CDC25A: variants seen among roughly 807,000 people sequenced by gnomAD.
The protein encoded by CDC25A is cell division cycle 25A.
Under a neutral mutation model 64.6 loss-of-function variants are expected in CDC25A, and 17 were observed. The observed-to-expected ratio is 0.26, with a 90% CI of 0.18 to 0.39. The LOEUF (loss-of-function observed/expected upper bound fraction) is 0.39. Among genes scored for constraint, CDC25A ranks in the 10% least tolerant of loss-of-function variants. The pLI is 1.00. For missense variants in CDC25A, 473 were observed against 654.8 expected (o/e 0.72, Z 3.03); for synonymous variants, 229 against 238.6 (o/e 0.96, Z 0.37).
At chr3:48,168,620 CTTTTTTTT>C (rs35535424) in intron 9 of CDC25A, among the ~76,000 whole-genome samples, 1 of 135,440 alleles carries the variant, frequency 7.4e-6, no homozygotes, top group Admixed American at 7.6e-5. Flanking sequence ...TATGTCTTAA[CTTTTTTTT>C]TTTTTTTTTT....
chr3:48,167,947 G>A lies in CDC25A; in HGVS notation c.931-3C>T. On this transcript the variant is annotated splice_region_variant and splice_polypyrimidine_tract_variant and intron_variant, in intron 9 of 14. Coordinates refer to ENST00000302506, the MANE Select transcript of CDC25A (RefSeq NM_001789.3). Reference sequence around the variant, plus strand: ...AGGGATAAAGACTGATGAAGAGTCTGTAACAAATCAAAGGTAGAGAATGAG... The same window carrying A: ...AGGGATAAAGACTGATGAAGAGTCTATAACAAATCAAAGGTAGAGAATGAG... The A allele has an allele frequency of 6.4e-7, 1 of 1,553,442 alleles. No individual in the cohort carries two copies. The highest frequency in any genetic ancestry group is 8.9e-7 in the Non-Finnish European group (1 of 1,125,014).
At chr3:48,170,588 C>T (rs747860155) in intron 9 of CDC25A, among the ~76,000 whole-genome samples, 2 of 152,218 alleles carry the variant, frequency 1.3e-5, no homozygotes, top group Non-Finnish European at 2.9e-5. Flanking sequence ...GCTCTCTGAA[C>T]CCTGTCCTTT....
At chr3:48,170,728 A>C (rs2106717855) in intron 9 of CDC25A, among the ~76,000 whole-genome samples, 1 of 152,318 alleles carries the variant, frequency 6.6e-6, no homozygotes, top group East Asian at 1.9e-4. Context: ...TCCAACCTCT[A>C]ATCATGTCTC....
At chr3:48,183,934 A>G in intron 3 of CDC25A, 98 bp from the exon 4 acceptor site, 1 of 683,660 alleles carries the variant, frequency 1.5e-6, no homozygotes, top group Non-Finnish European at 2.5e-6. Flanking sequence ...TTGGGGGTAC[A>G]GTCACAGACT....
intron 8 of CDC25A, chr3:48,174,705 C>T (rs747496590): frequency 9.7e-5 from 31 of 318,250 alleles, no homozygotes; most frequent in Non-Finnish European, 1.8e-4. Flanking sequence ...CGTCCTTTGC[C>T]CTCACAAAAA....
chr3:48,180,863 C>A, intron 5 of CDC25A, 23 bp from the exon 6 acceptor site: 1 of 1,612,738 alleles, frequency 6.2e-7, no homozygotes, highest in Non-Finnish European at 8.5e-7. Context: ...GTTGAGACAT[C>A]TACTGTCCAT....
intron 1 of CDC25A, 140 bp from the exon 2 acceptor site, chr3:48,186,919 C>T: frequency 1.6e-6 from 1 of 611,432 alleles, no homozygotes; most frequent in Non-Finnish European, 2.9e-6. Flanking sequence ...GCAAAGATCC[C>T]ACTTTGCCAC....
At position 48,188,233 on chromosome 3, in the gene CDC25A, A is replaced by C; in HGVS notation, c.-286T>G. ...CCGGCAACCTGAAGATTAAATCCAAACAAACGTGGCGGGTCGGCAAGAGAA... is the reference window on the plus strand; with the variant it reads ...CCGGCAACCTGAAGATTAAATCCAACCAAACGTGGCGGGTCGGCAAGAGAA... On this transcript the variant is annotated 5_prime_UTR_variant, in exon 1 of 15. Coordinates refer to ENST00000302506, the MANE Select transcript of CDC25A (RefSeq NM_001789.3). 2 of 284,876 alleles carry C rather than the reference A, an allele frequency of 7.0e-6. No homozygotes were observed. Among genetic ancestry groups the C allele is most frequent in the Non-Finnish European group, 6.5e-6 (1 of 154,126 alleles). 17.6% of individuals were successfully genotyped at this position (284,876 alleles called of 1,614,324 possible). A position where few individuals can be genotyped will look rare whatever the true frequency, so the allele number is the denominator to read the frequency against.
intron 6 of CDC25A, among the ~76,000 whole-genome samples, chr3:48,179,384 T>C (rs1223902342): frequency 6.6e-6 from 1 of 152,174 alleles, no homozygotes; most frequent in Non-Finnish European, 1.5e-5. Flanking sequence ...AATTTAGAGA[T>C]TGTTTATTGA....
chr3:48,168,360 CCACACACACACACACA>C lies in CDC25A; in HGVS notation c.931-432_931-417del, dbSNP rs58104019. Among the ~76,000 whole-genome samples the C allele has an allele frequency of 2.8e-3, 299 of 106,604 alleles. 1 individual carries two copies. Among genetic ancestry groups the C allele is most frequent in the African/African-American group, 0.01 (264 of 26,108 alleles). 69.9% of individuals were successfully genotyped at this position (106,604 alleles called of 152,430 possible). On this transcript the variant is annotated intron_variant, in intron 9 of 14. Transcript: ENST00000302506. ...ACCAGATCAAAGAGCAAGACCCTGT[CCACACACACACACACA>C]CACACACACACACACACACACACAC...
chr3:48,181,422 C>T, intron 5 of CDC25A: 2 of 597,898 alleles, frequency 3.3e-6, no homozygotes, highest in Non-Finnish European at 3.0e-6. Context: ...GTCCCTTGCC[C>T]TAAAATATTC....
chr3:48,187,621 C>A (rs941639223), intron 1 of CDC25A, among the ~76,000 whole-genome samples, 157 bp downstream of exon 1: 1 of 152,214 alleles, frequency 6.6e-6, no homozygotes, highest in Admixed American at 6.5e-5. Flanking sequence ...TCCGCCCGGG[C>A]GGGGGTGCAC....
chr3:48,168,360 C>A (rs966613186), intron 9 of CDC25A, among the ~76,000 whole-genome samples: 1 of 106,538 alleles, frequency 9.4e-6, no homozygotes, highest in Non-Finnish European at 1.8e-5. Flanking sequence ...AAGACCCTGT[C>A]CACACACACA....
intron 8 of CDC25A, among the ~76,000 whole-genome samples, chr3:48,175,844 G>A (rs942113326): frequency 6.6e-6 from 1 of 152,196 alleles, no homozygotes; most frequent in African/African-American, 2.4e-5. Flanking sequence ...CTATGCACAT[G>A]AATGTACTAT....
Position 48,187,798 on chromosome 3 carries a change from G to A in CDC25A, c.150C>T (p.Asp50=). Residue 50 remains aspartate (D), a synonymous_variant, in exon 1 of 15, where the codon GAC becomes GAT. Transcript: ENST00000302506. ...CTTACCTGCCCAGACCCTGCAGCTGGTCCATAGTGACGGTCAGGTTGGTGA... is the reference window on the plus strand; with the variant it reads ...CTTACCTGCCCAGACCCTGCAGCTGATCCATAGTGACGGTCAGGTTGGTGA... The part of the protein sequence containing the change: ...SPVTNLTVTM[D]QLQGLGSDYE... 6.5e-7 allele frequency: 1 copy of A among 1,548,276 alleles called. No homozygotes were observed. The highest frequency in any genetic ancestry group is 2.5e-5 in the East Asian group (1 of 40,372).
chr3:48,176,179 A>G (rs755473490), intron 8 of CDC25A, among the ~76,000 whole-genome samples: 13 of 152,192 alleles, frequency 8.5e-5, no homozygotes, highest in Non-Finnish European at 1.8e-4. Context: ...TCTCAAAAAC[A>G]AAACAAAACA....
chr3:48,177,501 G>A, intron 7 of CDC25A, 59 bp from the exon 8 acceptor site: 1 of 1,285,192 alleles, frequency 7.8e-7, no homozygotes, highest in Non-Finnish European at 1.1e-6. Flanking sequence ...ATTTGTTTAA[G>A]TGCTTTAGGT....
At chr3:48,177,822 C>A (rs1193648638) in intron 7 of CDC25A, 32 bp downstream of exon 7, 1 of 1,508,234 alleles carries the variant, frequency 6.6e-7, no homozygotes. Context: ...ATTAGTAGAA[C>A]AAATAGGAAC....
At chr3:48,174,151 C>A (rs76407389) in intron 9 of CDC25A, 133 bp downstream of exon 9, 24 of 707,928 alleles carry the variant, frequency 3.4e-5, no homozygotes, top group African/African-American at 5.4e-5. Flanking sequence ...ACACACACAC[C>A]CACACACACA....
Sources: allele counts gnomAD v4.1 joint callset (sites outside exome capture counted in the v4.1 genomes callset), GRCh38; gene constraint gnomAD v4.1.1; transcripts MANE v1.5; gene names NCBI Gene and HGNC (gene_info 2026-07-23, HGNC 2026-07-21).